ANO1: variants seen among roughly 807,000 people sequenced by gnomAD.
ANO1 encodes the protein anoctamin 1, also known as anoctamin-1.
ANO1 carries 59 observed loss-of-function variants against 124.0 expected under a neutral mutation model. That is an observed-to-expected ratio of 0.48 (90% CI 0.39 to 0.59). ANO1 has a LOEUF of 0.59. ANO1 is among the 20% of genes least tolerant of loss of function. The pLI is 0.00. For missense variants in ANO1, 1,059 were observed against 1,328.0 expected (o/e 0.80, Z 3.15); for synonymous variants, 529 against 532.0 (o/e 0.99, Z 0.08).
At chr11:70,187,571 G>A (rs548434938) in intron 25 of ANO1, among the ~76,000 whole-genome samples, 167 bp from the exon 26 acceptor site, 1 of 152,292 alleles carries the variant, frequency 6.6e-6, no homozygotes, top group East Asian at 1.9e-4. Flanking sequence ...GGCCTGCCGG[G>A]TGGTTCTATG....
intron 25 of ANO1, among the ~76,000 whole-genome samples, chr11:70,186,686 C>T (rs1019091454): frequency 2.6e-5 from 4 of 152,140 alleles, no homozygotes; most frequent in African/African-American, 9.7e-5. Context: ...CTGTGGGCAC[C>T]GCCAAGATTC....
intron 23 of ANO1, among the ~76,000 whole-genome samples, chr11:70,181,861 T>A (rs1187527840): frequency 1.3e-5 from 2 of 151,624 alleles, no homozygotes; most frequent in African/African-American, 4.8e-5. Context: ...TTCCACACAC[T>A]AGCCCACTGG....
At chr11:70,108,865 C>T (rs1027983037) in intron 6 of ANO1, among the ~76,000 whole-genome samples, 4 of 152,234 alleles carry the variant, frequency 2.6e-5, no homozygotes, top group African/African-American at 9.6e-5. Flanking sequence ...CAGGTACAGA[C>T]AGCCTAATTC....
intron 11 of ANO1, among the ~76,000 whole-genome samples, chr11:70,147,558 G>A (rs573480055): frequency 1.3e-5 from 2 of 152,332 alleles, no homozygotes; most frequent in African/African-American, 2.4e-5. Flanking sequence ...GGGGAGGCGC[G>A]TTCCCCAGGC....
At chr11:70,180,893 C>A (rs953898026) in intron 23 of ANO1, among the ~76,000 whole-genome samples, 4 of 152,206 alleles carry the variant, frequency 2.6e-5, no homozygotes, top group African/African-American at 9.7e-5. Context: ...CACGGCTCTG[C>A]TAAGGATCAG....
intron 23 of ANO1, among the ~76,000 whole-genome samples, chr11:70,180,651 G>C (rs545270267): frequency 6.6e-6 from 1 of 152,146 alleles, no homozygotes; most frequent in Non-Finnish European, 1.5e-5. Context: ...AAGAGACAGA[G>C]ATAGGTGGGA....
chr11:69,991,665 C>A (rs1856157707), intron 1 of ANO1, among the ~76,000 whole-genome samples: 2 of 152,176 alleles, frequency 1.3e-5, no homozygotes, highest in South Asian at 4.1e-4. Flanking sequence ...TCATTCAAAT[C>A]AAACTAAACA....
intron 1 of ANO1, among the ~76,000 whole-genome samples, chr11:70,081,104 G>A (rs2044187293): frequency 6.6e-6 from 1 of 152,236 alleles, no homozygotes; most frequent in African/African-American, 2.4e-5. Flanking sequence ...TCAGGCTGCG[G>A]TTCCCAGCCT....
At chr11:70,147,746 C>T (rs984623554) in intron 11 of ANO1, among the ~76,000 whole-genome samples, 3 of 152,200 alleles carry the variant, frequency 2.0e-5, no homozygotes, top group Non-Finnish European at 4.4e-5. Context: ...AGCCCTTCCT[C>T]CGTGATCCCA....
chr11:70,067,571 G>A (rs981921175), intron 1 of ANO1, among the ~76,000 whole-genome samples: 60 of 152,274 alleles, frequency 3.9e-4, no homozygotes, highest in Admixed American at 1.7e-3. Flanking sequence ...CAAGTGATCC[G>A]TCTGCCTCAG....
Position 70,124,431 on chromosome 11 carries a change from G to A in ANO1, c.962+17G>A, listed in dbSNP as rs1357667203. On this transcript the variant is annotated intron_variant, in intron 9 of 25. Transcript: ENST00000355303. ...CCTGGTCAGGTAAGAACGCGCCACA[G>A]CCTGCGGGAATCAAGTCCCTACTCC... The A allele has an allele frequency of 1.2e-6, 2 of 1,613,122 alleles. No homozygotes were observed. The highest frequency in any genetic ancestry group is 3.3e-5 in the Admixed American group (2 of 59,984).
At chr11:70,064,683 C>T (rs191275267) in intron 1 of ANO1, 5 of 152,460 alleles carry the variant, frequency 3.3e-5, no homozygotes, top group East Asian at 1.9e-4. Context: ...TTCCTCCACT[C>T]CTTCCATCCC....
chr11:70,038,501 A>C (rs1165020406), intron 1 of ANO1, among the ~76,000 whole-genome samples: 1 of 152,314 alleles, frequency 6.6e-6, no homozygotes, highest in South Asian at 2.1e-4. Context: ...CAGAAAGTAA[A>C]CTAGCCTTGC....
chr11:70,076,436 T>C (rs782431582), upstream of ANO1, among the ~76,000 whole-genome samples: 18 of 151,598 alleles, frequency 1.2e-4, no homozygotes, highest in Non-Finnish European at 2.2e-4. Context: ...TTTTACTCTT[T>C]TTTTTTTTTC....
chr11:70,082,837 G>A (rs1041317687), intron 1 of ANO1, among the ~76,000 whole-genome samples: 3 of 152,148 alleles, frequency 2.0e-5, no homozygotes, highest in African/African-American at 7.2e-5. Flanking sequence ...TTCACCTCCC[G>A]ACTCTCTCCA....
Position 70,088,074 on chromosome 11 carries a change from G to T in ANO1, c.431G>T (p.Arg144Leu). The change falls in exon 2 of 26, where the codon CGG becomes CTG. Residue 144 changes from arginine to leucine, a missense_variant. Coordinates refer to ENST00000355303, the MANE Select transcript of ANO1 (RefSeq NM_018043.7). ...NLLEAGLELERDEDTKIHGVG... is the reference protein window; with the variant it reads ...NLLEAGLELELDEDTKIHGVG... ...CTGGAGGCGGGCCTGGAGCTGGAGC[G>T]GGACGAGGACGTAACTATCTCACTG... 1 of 1,317,662 alleles carries T rather than the reference G, an allele frequency of 7.6e-7. No homozygotes were observed. Among genetic ancestry groups the T allele is most frequent in the Non-Finnish European group, 9.8e-7 (1 of 1,021,118 alleles). 81.6% of individuals were successfully genotyped at this position (1,317,662 alleles called of 1,614,324 possible).
At chr11:70,073,670 A>G (rs376508763), upstream of ANO1, among the ~76,000 whole-genome samples, 6 of 152,288 alleles carry the variant, frequency 3.9e-5, no homozygotes, top group East Asian at 1.2e-3. Flanking sequence ...AAAGGCTACC[A>G]GGAGGAGGTG....
chr11:70,131,303 A>ATGTGTGTG (rs58686061), intron 10 of ANO1, among the ~76,000 whole-genome samples: 7 of 149,018 alleles, frequency 4.7e-5, no homozygotes, highest in African/African-American at 9.9e-5. Context: ...TCAAAAATCA[A>ATGTGTGTG]TGTGTGTGTG....
At chr11:70,001,105 G>A (rs971125524) in intron 1 of ANO1, among the ~76,000 whole-genome samples, 2 of 152,220 alleles carry the variant, frequency 1.3e-5, no homozygotes, top group Non-Finnish European at 2.9e-5. Context: ...GGCAGTTGCA[G>A]CAAATGTTGG....
Sources: allele counts gnomAD v4.1 joint callset (sites outside exome capture counted in the v4.1 genomes callset), GRCh38; gene constraint gnomAD v4.1.1; transcripts MANE v1.5; gene names NCBI Gene and HGNC (gene_info 2026-07-23, HGNC 2026-07-21).